Variants in HIPK3 observed in about 807,000 individuals in gnomAD.
HIPK3 encodes the protein homeodomain-interacting protein kinase 3.
A neutral mutation model predicts 124.2 loss-of-function variants in HIPK3; 47 were observed. The observed-to-expected ratio is 0.38, with a 90% confidence interval of 0.30 to 0.48. The LOEUF (loss-of-function observed/expected upper bound fraction) is 0.48, where lower values mean the gene tolerates loss of function less well. Ranked by LOEUF, HIPK3 falls within the 20% of genes least tolerant of loss-of-function variation. The pLI is 0.98. For missense variants in HIPK3, 1,286 were observed against 1,454.3 expected (o/e 0.88, Z 1.88); for synonymous variants, 482 against 515.2 (o/e 0.94, Z 0.87).
At chr11:33,271,669 G>A (rs1219707525) in intron 1 of HIPK3, among the ~76,000 whole-genome samples, 2 of 152,160 alleles carry the variant, frequency 1.3e-5, no homozygotes, top group Non-Finnish European at 2.9e-5. Context: ...TAATGAGGAA[G>A]CACATTTTTA....
Position 33,286,661 on chromosome 11 carries a change from G to C in HIPK3, c.247G>C (p.Val83Leu). The C allele has an allele frequency of 6.2e-7, 1 of 1,614,062 alleles. No homozygotes were observed. The highest frequency in any genetic ancestry group is 1.1e-5 in the South Asian group (1 of 91,088). ...CAACTTTTCATTGCAGACAAGTGCT[G>C]TTGTTTTGAAAAACACTGCAGGTGC... ...GHNFSLQTSAVVLKNTAGATK... is the reference protein window; with the variant it reads ...GHNFSLQTSALVLKNTAGATK... Residue 83 changes from valine (V) to leucine (L), a missense_variant, in exon 2 of 17, where the codon GTT (valine) becomes CTT (leucine). By Grantham distance (32) the Val-to-Leu change is conservative. Around this residue, in one of 3 missense-constraint regions of HIPK3, gnomAD observed 225 missense variants for 240.3 expected, o/e 0.94. Coordinates refer to ENST00000303296, the MANE Select transcript of HIPK3 (RefSeq NM_005734.5).
chr11:33,311,158 C>T (rs932013991), intron 2 of HIPK3, among the ~76,000 whole-genome samples: 4 of 152,124 alleles, frequency 2.6e-5, no homozygotes, highest in Non-Finnish European at 5.9e-5. Flanking sequence ...CTTGTCTGTT[C>T]TCTGATGACT....
chr11:33,349,841 A>G (rs1590195013), intron 14 of HIPK3, among the ~76,000 whole-genome samples: 1 of 152,040 alleles, frequency 6.6e-6, no homozygotes. Context: ...ATCTTGGCTC[A>G]CCGCAGCCTC....
intron 2 of HIPK3, among the ~76,000 whole-genome samples, chr11:33,288,106 G>A (rs1851605064): frequency 6.6e-6 from 1 of 152,160 alleles, no homozygotes; most frequent in African/African-American, 2.4e-5. Context: ...TTGGATTTGA[G>A]ATGCTCAACC....
In HIPK3 at chr11:33,275,494, CT is replaced by C. The variant is rs577978880; in HGVS notation, c.-2-10909del. 7.6e-4 allele frequency among the ~76,000 whole-genome samples: 112 copies of C among 147,434 alleles called. 1 individual carries two copies. The highest frequency in any genetic ancestry group is 3.5e-3 in the Middle Eastern group (1 of 282). ...CAACTTATTGTCTAGTGTCTCCTGC[CT>C]TTTTTTTTTAAATGGCATGTTGTTT... On this transcript the variant is annotated intron_variant, in intron 1 of 16. Coordinates refer to ENST00000303296, the MANE Select transcript of HIPK3 (RefSeq NM_005734.5).
chr11:33,310,406 A>T (rs1363531470), intron 2 of HIPK3, among the ~76,000 whole-genome samples: 2 of 152,080 alleles, frequency 1.3e-5, no homozygotes. Flanking sequence ...CCCAGGTTCA[A>T]GTGATTCTCC....
intron 2 of HIPK3, among the ~76,000 whole-genome samples, chr11:33,291,191 G>A (rs1201648121): frequency 6.6e-6 from 1 of 152,042 alleles, no homozygotes; most frequent in South Asian, 2.1e-4. Context: ...CTTTATTTGG[G>A]ACCCTGCCAA....
intron 2 of HIPK3, among the ~76,000 whole-genome samples, chr11:33,313,528 AAG>A (rs1019544668): frequency 5.9e-5 from 9 of 152,336 alleles, no homozygotes; most frequent in South Asian, 4.1e-4. Context: ...ATATAAAAGA[AAG>A]AGAGTTAAGG....
rs564469438 is a variant in HIPK3, at chr11:33,293,243, CATTT to C, written c.1097+5734_1097+5737del. Among the ~76,000 whole-genome samples the C allele has an allele frequency of 5.3e-3, 806 of 152,222 alleles. 3 individuals are homozygous for C. The highest frequency in any genetic ancestry group is 7.5e-3 in the South Asian group (36 of 4,820). ...TAATCTACATACCTTGAAATTCATT[CATTT>C]AAGTATACAATTTAATGGCTTTTAG... is the stretch of plus-strand genomic sequence containing the variant. On this transcript the variant is annotated intron_variant, in intron 2 of 16. Coordinates refer to ENST00000303296, the MANE Select transcript of HIPK3 (RefSeq NM_005734.5).
In HIPK3 at chr11:33,282,895, C is replaced by G. The variant is rs140621494; in HGVS notation, c.-2-3518C>G. ...GAATTCAAGACCAGCGTGGGCAATA[C>G]AGTGAGACCTAGTCTCTTAGAAAAA... is the stretch of plus-strand genomic sequence containing the variant. On this transcript the variant is annotated intron_variant, in intron 1 of 16. Transcript: ENST00000303296. Among the ~76,000 whole-genome samples the G allele has an allele frequency of 1.1e-3, 166 of 152,214 alleles. 1 individual carries two copies. The highest frequency in any genetic ancestry group is 3.9e-3 in the African/African-American group (163 of 41,550).
At chr11:33,326,589 T>C (rs1852817976) in intron 2 of HIPK3, among the ~76,000 whole-genome samples, 1 of 152,080 alleles carries the variant, frequency 6.6e-6, no homozygotes, top group Non-Finnish European at 1.5e-5. Context: ...TATCTTGCTG[T>C]GTCAGAAAGC....
Position 33,353,376 on chromosome 11 carries a change from TA to T in HIPK3, c.3458del (p.Asn1153IlefsTer8), listed in dbSNP as rs1272683520. ...SRPMLQHPTY[N>X]ISHPSGIVHQ... is the part of the protein sequence containing the mutation. ...GACCTATGTTACAGCATCCAACTTA[TA>T]ATATCTCCCATCCCAGTGGCATAGT... On this transcript the variant is annotated frameshift_variant, in exon 17 of 17. Transcript: ENST00000303296. LOFTEE classifies it high-confidence loss of function. 6.2e-7 allele frequency: 1 copy of T among 1,614,028 alleles called. No homozygotes were observed. The highest frequency in any genetic ancestry group is 1.3e-5 in the African/African-American group (1 of 74,906).
At chr11:33,270,947 T>G (rs2133875324) in intron 1 of HIPK3, among the ~76,000 whole-genome samples, 1 of 152,360 alleles carries the variant, frequency 6.6e-6, no homozygotes, top group African/African-American at 2.4e-5. Context: ...AATTTTATAG[T>G]AATTGAATAA....
chr11:33,290,974 G>A (rs1851683175), intron 2 of HIPK3, among the ~76,000 whole-genome samples: 1 of 152,192 alleles, frequency 6.6e-6, no homozygotes, highest in African/African-American at 2.4e-5. Context: ...ACAAAGACTA[G>A]TGCAGGCATT....
At chr11:33,261,607 C>T (rs1278143777) in intron 1 of HIPK3, among the ~76,000 whole-genome samples, 1 of 152,050 alleles carries the variant, frequency 6.6e-6, no homozygotes, top group Non-Finnish European at 1.5e-5. Flanking sequence ...TTTAAAAAAT[C>T]GAGTCTTCCC....
chr11:33,283,777 C>T (rs573156152), intron 1 of HIPK3, among the ~76,000 whole-genome samples: 10 of 151,826 alleles, frequency 6.6e-5, no homozygotes, highest in Non-Finnish European at 1.2e-4. Flanking sequence ...TGGGTTCAAG[C>T]GATTCTTGTG....
rs1853263830 is a variant in HIPK3 at position 33,339,423 on chromosome 11, T to A, written c.1502T>A (p.Leu501Gln). ...GCTGATAGAAGAGAATTTGTTAGTCTGTTGAAGAAAATGTTGCTGATTGAT... is the reference window on the plus strand; with the variant it reads ...GCTGATAGAAGAGAATTTGTTAGTCAGTTGAAGAAAATGTTGCTGATTGAT... ...EKADRREFVSLLKKMLLIDAD... is the reference protein window; with the variant it reads ...EKADRREFVSQLKKMLLIDAD... Residue 501 changes from leucine (L) to glutamine (Q), a missense_variant, in exon 6 of 17, where the codon CTG (leucine) becomes CAG (glutamine). Physicochemically the swap from Leu to Gln is moderately radical, Grantham distance 113 (BLOSUM62 -2). Coordinates refer to ENST00000303296, the MANE Select transcript of HIPK3 (RefSeq NM_005734.5). 1 of 1,613,544 alleles carries A rather than the reference T, an allele frequency of 6.2e-7. No individual in the cohort carries two copies. Among genetic ancestry groups the A allele is most frequent in the Admixed American group, 1.7e-5 (1 of 60,002 alleles).
intron 2 of HIPK3, among the ~76,000 whole-genome samples, chr11:33,295,940 C>T (rs568574036): frequency 1.3e-5 from 2 of 152,278 alleles, no homozygotes; most frequent in South Asian, 4.2e-4. Context: ...TTCACACGTA[C>T]TATTTCTTAT....
intron 1 of HIPK3, among the ~76,000 whole-genome samples, chr11:33,264,095 A>G (rs1850895021): frequency 6.6e-6 from 1 of 152,006 alleles, no homozygotes; most frequent in Admixed American, 6.6e-5. Flanking sequence ...TGAGATAAAT[A>G]TCTCTTAAAG....
Sources: allele counts gnomAD v4.1 joint callset (sites outside exome capture counted in the v4.1 genomes callset), GRCh38; gene constraint gnomAD v4.1.1; regional missense constraint gnomAD v4.1.1; transcripts MANE v1.5; gene names NCBI Gene and HGNC (gene_info 2026-07-23, HGNC 2026-07-21).